AFF3: variants seen among roughly 807,000 people sequenced by gnomAD.
The protein encoded by AFF3 is AF4/FMR2 family member 3.
In AFF3, 32 loss-of-function variants were observed where a neutral mutation model predicts 129.7. The ratio of observed to expected loss-of-function variants is 0.25; its 90% CI spans 0.19 to 0.33. The LOEUF (loss-of-function observed/expected upper bound fraction) is 0.33. Ranked by LOEUF, AFF3 falls within the 10% of genes least tolerant of loss-of-function variation. The probability of loss-of-function intolerance (pLI) is 1.00; values close to 1 mark genes in which losing one functional copy is unlikely to be tolerated. For missense variants in AFF3, 1,373 were observed against 1,592.0 expected (o/e 0.86, Z 2.34); for synonymous variants, 644 against 635.4 (o/e 1.01, Z -0.20).
intron 4 of AFF3, among the ~76,000 whole-genome samples, chr2:100,016,102 ATGG>A (rs537109765): frequency 2.5e-4 from 34 of 135,032 alleles, no homozygotes; most frequent in African/African-American, 8.5e-4. Flanking sequence ...AGTGGTAGTG[ATGG>A]TGGTGGTGGT....
intron 18 of AFF3, among the ~76,000 whole-genome samples, chr2:99,574,147 T>C (rs1236426412): frequency 6.6e-6 from 1 of 152,244 alleles, no homozygotes; most frequent in African/African-American, 2.4e-5. Context: ...GAATCAAGTG[T>C]TGTCATTCAT....
At chr2:99,826,709 T>A (rs188177003) in intron 8 of AFF3, among the ~76,000 whole-genome samples, 1 of 151,970 alleles carries the variant, frequency 6.6e-6, no homozygotes, top group African/African-American at 2.4e-5. Context: ...TCTGGAAGCA[T>A]ACGCACGGCC....
At chr2:99,635,948 C>T (rs1683613008) in intron 13 of AFF3, among the ~76,000 whole-genome samples, 1 of 152,180 alleles carries the variant, frequency 6.6e-6, no homozygotes, top group South Asian at 2.1e-4. Context: ...CATGCCTTTG[C>T]CAGAGAGGGG....
chr2:99,907,563 A>G (rs1479220061), intron 7 of AFF3, among the ~76,000 whole-genome samples: 1 of 150,806 alleles, frequency 6.6e-6, no homozygotes, highest in Non-Finnish European at 1.5e-5. Flanking sequence ...TTTCTCATTC[A>G]AAGTAGCTAA....
chr2:99,625,987 A>G (rs1373888416), intron 13 of AFF3, among the ~76,000 whole-genome samples: 9 of 152,212 alleles, frequency 5.9e-5, no homozygotes, highest in African/African-American at 2.2e-4. Context: ...AATTTCTATA[A>G]AAAGAAATGT....
chr2:100,015,759 G>A (rs1682963656), intron 4 of AFF3, among the ~76,000 whole-genome samples: 1 of 152,206 alleles, frequency 6.6e-6, no homozygotes, highest in Non-Finnish European at 1.5e-5. Flanking sequence ...GAGAAGGTGA[G>A]GCTGAAGGTA....
intron 11 of AFF3, among the ~76,000 whole-genome samples, chr2:99,706,724 T>C (rs765825593): frequency 1.3e-5 from 2 of 152,168 alleles, no homozygotes; most frequent in Non-Finnish European, 1.5e-5. Flanking sequence ...CCTTGCACCA[T>C]TAGGCCGATT....
At position 99,668,030 on chromosome 2, in the gene AFF3, C is replaced by A. The variant is rs192620851; in HGVS notation, c.1143+4508G>T. 2.4e-3 allele frequency among the ~76,000 whole-genome samples: 372 copies of A among 151,920 alleles called. 5 individuals carry two copies. Among genetic ancestry groups the A allele is most frequent in the Admixed American group, 0.023 (350 of 15,272 alleles). The stretch of plus-strand genomic sequence containing the variant: ...AAAATTAGCCAGGCATGGTGGTGGG[C>A]GCCTGTAGTCCCAGCTACTCAGGAG... On this transcript the variant is annotated intron_variant, in intron 12 of 24. Coordinates refer to ENST00000672756, the MANE Select transcript of AFF3 (RefSeq NM_001386135.1).
Position 100,060,395 on chromosome 2 carries a change from C to G in AFF3, c.53+44007G>C, listed in dbSNP as rs79113241. 5.2e-3 allele frequency among the ~76,000 whole-genome samples: 786 copies of G among 152,258 alleles called. 10 individuals carry two copies. Among genetic ancestry groups the G allele is most frequent in the African/African-American group, 0.018 (733 of 41,540 alleles). On this transcript the variant is annotated intron_variant, in intron 4 of 24. Transcript: ENST00000672756. ...AAGGAACAAAATAGGGCTTCAAACCCAGTCATTTTGGCTCCAAAGGCTATG... is the reference window on the plus strand; with the variant it reads ...AAGGAACAAAATAGGGCTTCAAACCGAGTCATTTTGGCTCCAAAGGCTATG...
chr2:99,970,983 G>T (rs1281311823), intron 7 of AFF3, among the ~76,000 whole-genome samples: 2 of 152,160 alleles, frequency 1.3e-5, no homozygotes, highest in Non-Finnish European at 2.9e-5. Context: ...TATCTTTCCT[G>T]CCTGATCCAG....
At chr2:99,823,367 T>A (rs1298052657) in intron 8 of AFF3, among the ~76,000 whole-genome samples, 1 of 151,384 alleles carries the variant, frequency 6.6e-6, no homozygotes, top group Admixed American at 6.6e-5. Flanking sequence ...AAGGGAAAGC[T>A]ACAATGATTC....
intron 7 of AFF3, among the ~76,000 whole-genome samples, chr2:99,877,379 C>G (rs1334929455): frequency 1.3e-5 from 2 of 152,138 alleles, no homozygotes; most frequent in Non-Finnish European, 2.9e-5. Context: ...CAGATGTCTA[C>G]CACCTGCTGT....
At chr2:99,974,506 C>T (rs1177886774) in intron 7 of AFF3, among the ~76,000 whole-genome samples, 1 of 152,154 alleles carries the variant, frequency 6.6e-6, no homozygotes, top group Non-Finnish European at 1.5e-5. Flanking sequence ...GAAAGGCACA[C>T]CACTAAAAGC....
Position 99,593,202 on chromosome 2 carries a change from T to C in AFF3, c.2459A>G (p.Lys820Arg). Residue 820 changes from lysine (K) to arginine (R), a missense_variant, in exon 15 of 25, where the codon AAA becomes AGA. Around this residue, in one of 9 missense-constraint regions of AFF3, gnomAD observed 466 missense variants for 505.0 expected, o/e 0.92. Coordinates refer to ENST00000672756, the MANE Select transcript of AFF3 (RefSeq NM_001386135.1). ...AGTCAGCCCCAGGCCTACCTTGCGT[T>C]TCCTCTTGGATTTTGGCAAAGCCTT... The part of the protein sequence containing the change: ...AEKALPKSKR[K>R]RKCDNEDDYR... 9.5e-6 allele frequency: 15 copies of C among 1,579,192 alleles called. No homozygotes were observed. The highest frequency in any genetic ancestry group is 1.3e-5 in the Non-Finnish European group (15 of 1,160,216).
At chr2:99,684,037 C>T (rs1421935101) in intron 11 of AFF3, among the ~76,000 whole-genome samples, 1 of 152,172 alleles carries the variant, frequency 6.6e-6, no homozygotes, top group Non-Finnish European at 1.5e-5. Context: ...ACGTGTGGGA[C>T]ACAGTCCACT....
intron 14 of AFF3, among the ~76,000 whole-genome samples, chr2:99,595,132 C>A (rs899370007): frequency 6.6e-6 from 1 of 151,468 alleles, no homozygotes; most frequent in African/African-American, 2.4e-5. Context: ...TAGAAGAGGT[C>A]TGTACTTTTC....
chr2:100,060,471 C>T (rs1031994151), intron 4 of AFF3, among the ~76,000 whole-genome samples: 5 of 151,860 alleles, frequency 3.3e-5, no homozygotes, highest in African/African-American at 9.7e-5. Context: ...ACCTTTTCCA[C>T]CACAATTTCT....
chr2:100,030,197 A>G (rs1277188848), intron 4 of AFF3, among the ~76,000 whole-genome samples: 4 of 152,168 alleles, frequency 2.6e-5, no homozygotes, highest in Admixed American at 2.6e-4. Context: ...ATGTTGACAC[A>G]TTTCATTAAT....
In AFF3 at chr2:99,594,891, G is replaced by C. The variant is rs1451979964; in HGVS notation, c.1372-602C>G. Among the ~76,000 whole-genome samples, 4 of 152,158 alleles carry C rather than the reference G, an allele frequency of 2.6e-5. No individual in the cohort carries two copies. In the East Asian group the frequency reaches 5.8e-4, roughly 22 times the overall value. On this transcript the variant is annotated intron_variant, in intron 14 of 24. Transcript: ENST00000672756. The stretch of plus-strand genomic sequence containing the variant: ...GGTATTTGTGCATCTTTGGCAGCCT[G>C]ACTGGGTCAGTCTATCCTCAACCTG...
Sources: gnomAD v4.1 joint callset for allele counts (sites outside exome capture counted in the v4.1 genomes callset) on GRCh38, gnomAD v4.1.1 for gene constraint, gnomAD v4.1.1 regional missense constraint, MANE v1.5 for transcripts, NCBI Gene and HGNC (gene_info 2026-07-23, HGNC 2026-07-21) for gene names.